KANK1: variants seen among roughly 807,000 people sequenced by gnomAD.
KANK1 encodes the protein KN motif and ankyrin repeat domain-containing protein 1.
In KANK1, 109 loss-of-function variants were observed where a neutral mutation model predicts 106.2. The ratio of observed to expected loss-of-function variants is 1.03; its 90% confidence interval spans 0.88 to 1.20. The LOEUF (loss-of-function observed/expected upper bound fraction) is 1.20, where lower values mean the gene tolerates loss of function less well. KANK1 is among the 50% of genes most tolerant of loss of function. The pLI is 0.00. For missense variants in KANK1, 2,399 were observed against 1,710.7 expected (o/e 1.40, Z -7.10); for synonymous variants, 873 against 652.2 (o/e 1.34, Z -5.16).
intron 6 of KANK1, 161 bp downstream of exon 6, chr9:732,778 T>C: frequency 1.3e-6 from 1 of 743,788 alleles, no homozygotes; most frequent in South Asian, 2.1e-5. Flanking sequence ...TGCAGAGTAT[T>C]ACAACTCTTA....
chr9:601,191 T>A (rs1234345044), intron 1 of KANK1, among the ~76,000 whole-genome samples: 2 of 151,878 alleles, frequency 1.3e-5, no homozygotes, highest in African/African-American at 4.9e-5. Flanking sequence ...TCACTCAGTT[T>A]CTCCTAATGT....
chr9:727,869 C>T (rs943301235), intron 3 of KANK1, among the ~76,000 whole-genome samples: 1 of 152,134 alleles, frequency 6.6e-6, no homozygotes, highest in African/African-American at 2.4e-5. Flanking sequence ...AAATAAAATT[C>T]TAAGCCCCCT....
chr9:559,513 G>A (rs1485544784), intron 1 of KANK1, among the ~76,000 whole-genome samples: 1 of 152,104 alleles, frequency 6.6e-6, no homozygotes, highest in African/African-American at 2.4e-5. Flanking sequence ...TATATCTTGG[G>A]ACACTTAAAA....
At chr9:654,471 T>C (rs1353340702) in intron 1 of KANK1, among the ~76,000 whole-genome samples, 1 of 152,174 alleles carries the variant, frequency 6.6e-6, no homozygotes, top group Non-Finnish European at 1.5e-5. Context: ...TGCTATCAGG[T>C]AAGCCCCATA....
At chr9:524,029 C>G (rs1232685934) in intron 1 of KANK1, among the ~76,000 whole-genome samples, 1 of 151,662 alleles carries the variant, frequency 6.6e-6, no homozygotes, top group African/African-American at 2.4e-5. Flanking sequence ...AAATGAGCTG[C>G]TGATAAGGAT....
At chr9:606,598 ATGTGTGTG>A (rs113128911) in intron 1 of KANK1, among the ~76,000 whole-genome samples, 3 of 138,418 alleles carry the variant, frequency 2.2e-5, no homozygotes, top group African/African-American at 3.3e-5. Context: ...CCTATAAAAT[ATGTGTGTG>A]TGTGTGTGTA....
chr9:649,899 A>AGCTTCTCT (rs1840513383), intron 1 of KANK1, among the ~76,000 whole-genome samples: 1 of 152,184 alleles, frequency 6.6e-6, no homozygotes, highest in Non-Finnish European at 1.5e-5. Flanking sequence ...TCTACATTGC[A>AGCTTCTCT]GCTTCTCTGC....
intron 1 of KANK1, among the ~76,000 whole-genome samples, chr9:618,389 C>T (rs888979294): frequency 1.4e-4 from 22 of 151,946 alleles, no homozygotes; most frequent in Non-Finnish European, 2.5e-4. Flanking sequence ...TGTATTTTTA[C>T]TAGAGACAGG....
At chr9:580,186 G>C (rs982361763) in intron 1 of KANK1, among the ~76,000 whole-genome samples, 2 of 151,980 alleles carry the variant, frequency 1.3e-5, no homozygotes, top group East Asian at 3.9e-4. Context: ...CTCTTAAGGC[G>C]GCGCGTCTGG....
chr9:710,759 A>G, intron 2 of KANK1, 45 bp from the exon 3 acceptor site: 7 of 1,502,044 alleles, frequency 4.7e-6, no homozygotes, highest in Non-Finnish European at 6.3e-6. Context: ...TTTTACCATT[A>G]GGTGTATTGC....
At chr9:720,515 TG>T (rs1349935697) in intron 3 of KANK1, among the ~76,000 whole-genome samples, 1 of 152,188 alleles carries the variant, frequency 6.6e-6, no homozygotes, top group African/African-American at 2.4e-5. Flanking sequence ...AGCTGTTTTT[TG>T]TTTTGTTGTG....
rs760851394 is a variant in KANK1, at chr9:745,270, A to C, written c.*35A>C. ...AATAGCCCTTTATTTACATGCCACT[A>C]TTAAGCTGCTAATTGTTCCTGTTGG... On this transcript the variant is annotated 3_prime_UTR_variant, in exon 12 of 12. Coordinates refer to ENST00000382297, the MANE Select transcript of KANK1 (RefSeq NM_015158.5). The C allele has an allele frequency of 2.3e-5, 37 of 1,612,988 alleles. No homozygotes were observed. Among genetic ancestry groups the C allele is most frequent in the Non-Finnish European group, 3.0e-5 (35 of 1,179,158 alleles).
chr9:647,283 C>G (rs1305282849), intron 1 of KANK1, among the ~76,000 whole-genome samples: 1 of 142,544 alleles, frequency 7.0e-6, no homozygotes, highest in Non-Finnish European at 1.5e-5. Context: ...CTAATTATGA[C>G]TAGACAACTA....
At chr9:484,290 T>C (rs1489273379) in intron 3 of KANK1, 1 of 152,362 alleles carries the variant, frequency 6.6e-6, no homozygotes, top group East Asian at 1.9e-4. Context: ...AGGCTAGCTG[T>C]GTGGCCTCAC....
Position 740,930 on chromosome 9 carries a change from G to C in KANK1, c.3692G>C (p.Ser1231Thr). The C allele has an allele frequency of 6.2e-7, 1 of 1,614,174 alleles. No individual in the cohort carries two copies. Among genetic ancestry groups the C allele is most frequent in the East Asian group, 2.2e-5 (1 of 44,874 alleles). The change falls in exon 9 of 12, where the codon AGT becomes ACT. Residue 1231 changes from serine to threonine, a missense_variant. Coordinates refer to ENST00000382297, the MANE Select transcript of KANK1 (RefSeq NM_015158.5). ...TGTGGGGATGTGAATGCCAAAGCTA[G>C]TCAGGTTAGTGCGCCTGGTTCCTGT... is the stretch of plus-strand genomic sequence containing the variant. The part of the protein sequence containing the change: ...FGCGDVNAKA[S>T]QAGQTALMLA...
At position 601,302 on chromosome 9, in the gene KANK1, G is replaced by A. The variant is rs138396525; in HGVS notation, c.-83-75588G>A. 2.7e-3 allele frequency among the ~76,000 whole-genome samples: 410 copies of A among 151,856 alleles called. 9 individuals carry two copies. The highest frequency in any genetic ancestry group is 9.4e-3 in the African/African-American group (387 of 41,204). ...TCCAGCTAAACAACAGACCTTACTA[G>A]CATTCTATCCAGTTTTCCGCTATCC... On this transcript the variant is annotated intron_variant, in intron 1 of 11. Coordinates refer to ENST00000382297, the MANE Select transcript of KANK1 (RefSeq NM_015158.5).
intron 2 of KANK1, among the ~76,000 whole-genome samples, chr9:691,910 C>A (rs975489049): frequency 1.3e-5 from 2 of 151,678 alleles, no homozygotes; most frequent in African/African-American, 4.8e-5. Context: ...AGCCACCATG[C>A]CCCCCAAAAA....
chr9:670,282 A>G (rs909423142), intron 1 of KANK1, among the ~76,000 whole-genome samples: 3 of 152,020 alleles, frequency 2.0e-5, no homozygotes, highest in African/African-American at 7.3e-5. Flanking sequence ...TTATGGATAT[A>G]TGTCTGTGTC....
At chr9:678,679 T>C (rs553366763) in intron 2 of KANK1, among the ~76,000 whole-genome samples, 3 of 152,250 alleles carry the variant, frequency 2.0e-5, no homozygotes, top group East Asian at 1.9e-4. Context: ...TGGGCCCAGA[T>C]TGCACTACTG....
Sources: allele counts gnomAD v4.1 joint callset (sites outside exome capture counted in the v4.1 genomes callset), GRCh38; gene constraint gnomAD v4.1.1; transcripts MANE v1.5; gene names NCBI Gene and HGNC (gene_info 2026-07-23, HGNC 2026-07-21).